The following CD82 variants were observed in gnomAD, a reference collection of about 807,000 sequenced individuals.
CD82 encodes the protein CD82 molecule, also known as CD82 antigen.
In CD82, 36 loss-of-function variants were observed where a neutral mutation model predicts 37.4. That is an observed-to-expected ratio of 0.96 (90% CI 0.74 to 1.27). The LOEUF is 1.27. CD82 is among the 50% of genes most tolerant of loss of function. The pLI is 0.00. For missense variants in CD82, 340 were observed against 347.0 expected (o/e 0.98, Z 0.16); for synonymous variants, 158 against 137.4 (o/e 1.15, Z -1.05).
At chr11:44,600,257 C>G (rs371613857) in intron 4 of CD82, 27 bp downstream of exon 4, 18 of 1,609,758 alleles carry the variant, frequency 1.1e-5, no homozygotes, top group Non-Finnish European at 1.3e-5. Flanking sequence ...TTCCCCAGAC[C>G]CAGGCCCACT....
chr11:44,617,376 T>A (rs1217979899), intron 7 of CD82, among the ~76,000 whole-genome samples: 1 of 152,036 alleles, frequency 6.6e-6, no homozygotes, highest in African/African-American at 2.4e-5. Flanking sequence ...CTGGCCAACA[T>A]GGTGAAACCC....
At chr11:44,612,288 T>C (rs940536169) in intron 6 of CD82, among the ~76,000 whole-genome samples, 1 of 152,362 alleles carries the variant, frequency 6.6e-6, no homozygotes, top group African/African-American at 2.4e-5. Context: ...CTTCCGCATG[T>C]TGGCTGTGTG....
intron 1 of CD82, among the ~76,000 whole-genome samples, chr11:44,586,274 G>A (rs1407867158): frequency 7.0e-5 from 4 of 56,894 alleles, no homozygotes; most frequent in Non-Finnish European, 1.4e-4. Context: ...CACCACTCTA[G>A]GGCATTTAGG....
chr11:44,567,642 G>A (rs978131469), intron 1 of CD82, among the ~76,000 whole-genome samples: 9 of 152,096 alleles, frequency 5.9e-5, no homozygotes, highest in Non-Finnish European at 7.4e-5. Flanking sequence ...AGGAGGAGAC[G>A]TTCATTTCAA....
intron 2 of CD82, chr11:44,588,007 T>C (rs7119279): frequency 0.98 from 209,289 of 213,016 alleles, 102,838 homozygotes; most frequent in Non-Finnish European, 0.99. Context: ...CATGCAGCAA[T>C]ATTTGTTGGG....
upstream of CD82, chr11:44,565,501 A>G (rs1590320500): frequency 7.6e-6 from 1 of 131,062 alleles, no homozygotes; most frequent in Non-Finnish European, 1.6e-5. Flanking sequence ...GTACGGCCAT[A>G]GTGGGCGGGG....
At chr11:44,579,464 C>A (rs550542891) in intron 1 of CD82, among the ~76,000 whole-genome samples, 13 of 152,222 alleles carry the variant, frequency 8.5e-5, no homozygotes, top group Admixed American at 6.5e-4. Context: ...CCTGACAGGG[C>A]CTCAGGGTCT....
At chr11:44,576,206 C>G (rs1478259185) in intron 1 of CD82, among the ~76,000 whole-genome samples, 4 of 152,184 alleles carry the variant, frequency 2.6e-5, no homozygotes, top group Admixed American at 2.0e-4. Flanking sequence ...CCTGTCAAGC[C>G]TGGGCTTCGT....
intron 1 of CD82, among the ~76,000 whole-genome samples, chr11:44,567,212 G>T (rs544922079): frequency 4.6e-4 from 70 of 152,242 alleles, no homozygotes; most frequent in African/African-American, 1.7e-3. Context: ...GGGGGCGAGG[G>T]GCAATGTGGG....
chr11:44,608,458 T>G (rs1352081452), intron 6 of CD82, among the ~76,000 whole-genome samples: 1 of 152,222 alleles, frequency 6.6e-6, no homozygotes, highest in African/African-American at 2.4e-5. Flanking sequence ...CCACTCAGGT[T>G]GAAGTGAACA....
rs916846565 is a variant in CD82, at chr11:44,619,376, A to G, written c.*250A>G. 6.0e-6 allele frequency: 3 copies of G among 500,318 alleles called. No individual in the cohort carries two copies. The highest frequency in any genetic ancestry group is 5.3e-4 in the Middle Eastern group (1 of 1,880). The allele number at this position is 500,318 out of a possible 1,614,324, so 31.0% of individuals were successfully genotyped here. A position where few individuals can be genotyped will look rare whatever the true frequency, so the allele number is the denominator to read the frequency against. On this transcript the variant is annotated 3_prime_UTR_variant, in exon 10 of 10. Coordinates refer to ENST00000227155, the MANE Select transcript of CD82 (RefSeq NM_002231.4). ...GGGTTCTCTTAGCAACTCAGAGAAA[A>G]ATGCTCCCCACAGCGTCCCTGGCGC...
chr11:44,607,447 T>A (rs747282774), intron 6 of CD82, among the ~76,000 whole-genome samples: 5 of 152,168 alleles, frequency 3.3e-5, no homozygotes, highest in Non-Finnish European at 5.9e-5. Flanking sequence ...GCACTGAGCT[T>A]CTTTAGGACC....
chr11:44,605,859 A>T (rs1020851736), intron 6 of CD82, among the ~76,000 whole-genome samples: 1 of 152,254 alleles, frequency 6.6e-6, no homozygotes, highest in Non-Finnish European at 1.5e-5. Context: ...TACTTTAGCA[A>T]CTATTAAATC....
chr11:44,585,405 G>T, intron 1 of CD82: 1 of 440,318 alleles, frequency 2.3e-6, no homozygotes, highest in South Asian at 1.6e-5. Flanking sequence ...GAAAGCTGAG[G>T]CACAGTGGTA....
Position 44,614,641 on chromosome 11 carries a change from G to A in CD82, c.337-631G>A, listed in dbSNP as rs150747634. ...AGAAATACAGCATGCTTTCCCTTGT[G>A]GGATAAGGGAGGCCGGGGAGGGGTG... On this transcript the variant is annotated intron_variant, in intron 6 of 9. Coordinates refer to ENST00000227155, the MANE Select transcript of CD82 (RefSeq NM_002231.4). 4.6e-3 allele frequency among the ~76,000 whole-genome samples: 698 copies of A among 152,288 alleles called. 8 individuals are homozygous for A. The highest frequency in any genetic ancestry group is 7.6e-3 in the Admixed American group (116 of 15,296).
rs1048465875 is a variant in CD82, at chr11:44,597,069, G to C, written c.63+2344G>C. The C allele has an allele frequency of 4.4e-6, 2 of 454,204 alleles. No homozygotes were observed. Among genetic ancestry groups the C allele is most frequent in the African/African-American group, 4.0e-5 (2 of 50,000 alleles). The allele number at this position is 454,204 out of a possible 1,614,324, so 28.1% of individuals were successfully genotyped here. On this transcript the variant is annotated intron_variant, in intron 3 of 9. Coordinates refer to ENST00000227155, the MANE Select transcript of CD82 (RefSeq NM_002231.4). This position sits in a 1 kb window ranked among gnomAD's most constrained non-coding sequence, Gnocchi z 4.1. ...GGCAGAGTGCACCTCCCCAGGCATA[G>C]ACCCGGCCAGCCTGCCTCTTTGTTT... is the stretch of plus-strand genomic sequence containing the variant.
intron 3 of CD82, among the ~76,000 whole-genome samples, chr11:44,599,443 C>T (rs1420893199): frequency 6.6e-6 from 1 of 152,264 alleles, no homozygotes; most frequent in Non-Finnish European, 1.5e-5. Flanking sequence ...CGGGCCTGAC[C>T]TTCATTTCCC....
At position 44,583,208 on chromosome 11, in the gene CD82, GTGGAAAGCAAGAGGTCAGAGGCTA is replaced by G. The variant is rs565225370; in HGVS notation, c.-102-4263_-102-4240del. On this transcript the variant is annotated intron_variant, in intron 1 of 9. Coordinates refer to ENST00000227155, the MANE Select transcript of CD82 (RefSeq NM_002231.4). ...CCAAAAACAGTCAAGCAAGGGAGCT[GTGGAAAGCAAGAGGTCAGAGGCTA>G]TGGCTCAGCCTCAGCTTGATTCTTT... is the stretch of plus-strand genomic sequence containing the variant. 2.9e-4 allele frequency among the ~76,000 whole-genome samples: 44 copies of G among 152,364 alleles called. No homozygotes were observed. In the South Asian group the frequency reaches 8.9e-3, roughly 31 times the overall value.
intron 3 of CD82, among the ~76,000 whole-genome samples, chr11:44,595,408 T>C (rs1403179471): frequency 6.6e-6 from 1 of 151,924 alleles, no homozygotes; most frequent in Non-Finnish European, 1.5e-5. Context: ...TGAGAGTGTG[T>C]TGTTGGGGGG....
Sources: allele counts gnomAD v4.1 joint callset (sites outside exome capture counted in the v4.1 genomes callset), GRCh38; gene constraint gnomAD v4.1.1; non-coding constraint Gnocchi (gnomAD v3.1); transcripts MANE v1.5; gene names NCBI Gene and HGNC (gene_info 2026-07-23, HGNC 2026-07-21).